TRIM46: variants seen among roughly 807,000 people sequenced by gnomAD.
The protein encoded by TRIM46 is tripartite motif-containing protein 46.
Under a neutral mutation model 69.7 loss-of-function variants are expected in TRIM46, and 17 were observed. The observed-to-expected ratio is 0.24, with a 90% CI of 0.17 to 0.37. The LOEUF is 0.37. TRIM46 is among the 10% of genes least tolerant of loss of function. The probability of loss-of-function intolerance (pLI) is 1.00; values close to 1 mark genes in which losing one functional copy is unlikely to be tolerated. For synonymous variants in TRIM46, 391 were observed against 429.0 expected (o/e 0.91, Z 1.09); for missense variants, 675 against 1,025.1 (o/e 0.66, Z 4.66).
At chr1:155,177,131 C>T in intron 4 of TRIM46, 56 bp downstream of exon 4, 1 of 1,613,954 alleles carries the variant, frequency 6.2e-7, no homozygotes, top group Non-Finnish European at 8.5e-7. Context: ...CCCTCTTGCA[C>T]CTCCTCCCAA....
At chr1:155,176,292 T>C in intron 3 of TRIM46, 61 bp downstream of exon 3, 1 of 1,476,590 alleles carries the variant, frequency 6.8e-7, no homozygotes, top group Non-Finnish European at 9.1e-7. Context: ...TGGGTGGGGG[T>C]GCCTGGCATT....
Position 155,179,927 on chromosome 1 carries a change from G to A in TRIM46, c.1581G>A (p.Pro527=), listed in dbSNP as rs139756484. The change falls in exon 8 of 10, where the codon CCG becomes CCA. Residue 527 remains proline, a synonymous_variant. Coordinates refer to ENST00000334634, the MANE Select transcript of TRIM46 (RefSeq NM_025058.5). ...AAGATGTGCACCTGCACACGCCCCC[G>A]GCACCTGGTGAGTGGGCAGGCACAG... ...YSEDVHLHTP[P]APVLHFFLDS... is the part of the protein sequence containing the mutation. 1.9e-5 allele frequency: 30 copies of A among 1,572,514 alleles called. No homozygotes were observed. The highest frequency in any genetic ancestry group is 1.1e-4 in the East Asian group (5 of 44,350).
intron 1 of TRIM46, chr1:155,174,680 C>A: frequency 6.9e-7 from 1 of 1,454,740 alleles, no homozygotes; most frequent in African/African-American, 1.4e-5. Context: ...AGGACCCCCA[C>A]TCTCGCCACC....
chr1:155,175,383 C>G lies in TRIM46; in HGVS notation c.64-3C>G. 1 of 1,613,854 alleles carries G rather than the reference C, an allele frequency of 6.2e-7. No homozygotes were observed. The highest frequency in any genetic ancestry group is 8.5e-7 in the Non-Finnish European group (1 of 1,179,882). ...CTGACCTAGCCTCCTGGTCCCTCCA[C>G]AGACCAGCATGAAGAACATGGAGAA... is the stretch of plus-strand genomic sequence containing the variant. On this transcript the variant is annotated splice_region_variant and splice_polypyrimidine_tract_variant and intron_variant, in intron 1 of 9. Coordinates refer to ENST00000334634, the MANE Select transcript of TRIM46 (RefSeq NM_025058.5). This position sits in a 1 kb window ranked among gnomAD's most constrained non-coding sequence, Gnocchi z 4.2.
intron 1 of TRIM46, chr1:155,174,768 GGT>G (rs1371898070): frequency 2.7e-6 from 4 of 1,463,750 alleles, no homozygotes; most frequent in Middle Eastern, 5.0e-4. Context: ...CGGAGAAGGG[GGT>G]GCCGCTGACC....
rs1666376213 is a variant in TRIM46 at position 155,184,104 on chromosome 1, G to A, written c.2194G>A (p.Gly732Arg). The A allele has an allele frequency of 1.2e-6, 2 of 1,613,972 alleles. No individual in the cohort carries two copies. The highest frequency in any genetic ancestry group is 1.7e-6 in the Non-Finnish European group (2 of 1,180,016). The part of the protein sequence containing the change: ...GPVCPAFCFI[G>R]GGAVQLQEPV... ...TGTGTGCCCTGCCTTTTGCTTCATC[G>A]GGGGTGGCGCAGTACAGCTCCAGGA... The change falls in exon 10 of 10, where the codon GGG (glycine) becomes AGG (arginine). Residue 732 changes from glycine (G) to arginine (R), a missense_variant. Around this residue, in one of 5 missense-constraint regions of TRIM46, gnomAD observed 108 missense variants for 153.0 expected, o/e 0.71. Transcript: ENST00000334634. The surrounding 1 kb of genome is among the most constrained non-coding windows in gnomAD (Gnocchi z 5.6).
chr1:155,176,908 T>C, intron 3 of TRIM46, 24 bp from the exon 4 acceptor site: 1 of 1,608,584 alleles, frequency 6.2e-7, no homozygotes, highest in Non-Finnish European at 8.5e-7. Context: ...TGTCTGACCA[T>C]CACATTGTTC....
rs758791330 is a variant in TRIM46, at chr1:155,177,045, A to G, written c.783A>G (p.Thr261=). The G allele has an allele frequency of 6.2e-7, 1 of 1,614,066 alleles. No homozygotes were observed. The highest frequency in any genetic ancestry group is 2.2e-5 in the East Asian group (1 of 44,878). ...GCACCCACAGCGGGCACAAGATCACACCAGTGCTCAGTGCCTACCAGGCCC... is the reference window on the plus strand; with the variant it reads ...GCACCCACAGCGGGCACAAGATCACGCCAGTGCTCAGTGCCTACCAGGCCC... ...VRRTHSGHKI[T]PVLSAYQALK... The change falls in exon 4 of 10, where the codon ACA becomes ACG. Residue 261 remains threonine, a synonymous_variant. Coordinates refer to ENST00000334634, the MANE Select transcript of TRIM46 (RefSeq NM_025058.5).
chr1:155,175,097 A>G lies in TRIM46; in HGVS notation c.64-289A>G. On this transcript the variant is annotated intron_variant, in intron 1 of 9. Coordinates refer to ENST00000334634, the MANE Select transcript of TRIM46 (RefSeq NM_025058.5). The surrounding 1 kb of genome is among the most constrained non-coding windows in gnomAD (Gnocchi z 4.2). ...GATGGAGGCAGGTGAGGGGGCTGCC[A>G]GCTGGGGCTACTGCAGCTGGAGAAA... 2 of 1,363,536 alleles carry G rather than the reference A, an allele frequency of 1.5e-6. No homozygotes were observed. Among genetic ancestry groups the G allele is most frequent in the Non-Finnish European group, 9.4e-7 (1 of 1,059,156 alleles). The allele number at this position is 1,363,536 out of a possible 1,614,324, so 84.5% of individuals were successfully genotyped here.
intron 5 of TRIM46, among the ~76,000 whole-genome samples, chr1:155,177,624 T>C (rs1406314001): frequency 2.6e-5 from 4 of 152,218 alleles, no homozygotes; most frequent in African/African-American, 7.2e-5. Flanking sequence ...TGATGACTGA[T>C]ACCTTCTGCC....
chr1:155,182,195 G>A (rs1251250035), intron 9 of TRIM46, 46 bp downstream of exon 9: 2 of 1,586,830 alleles, frequency 1.3e-6, no homozygotes, highest in Admixed American at 1.7e-5. Context: ...CCTGGTGGGA[G>A]TGAGGGGCAC....
chr1:155,178,721 G>T, intron 7 of TRIM46, 108 bp downstream of exon 7: 5 of 1,536,720 alleles, frequency 3.3e-6, no homozygotes, highest in Non-Finnish European at 3.5e-6. Context: ...CCTCCTGCCC[G>T]GCCTGGCCAG....
intron 9 of TRIM46, 113 bp from the exon 10 acceptor site, chr1:155,183,684 C>T: frequency 7.1e-7 from 1 of 1,408,238 alleles, no homozygotes; most frequent in Non-Finnish European, 9.7e-7. Flanking sequence ...CACCCAAAAT[C>T]CATCCCTTCA....
In TRIM46 at chr1:155,179,901, G is replaced by A; in HGVS notation, c.1555G>A (p.Glu519Lys). 1 of 1,600,498 alleles carries A rather than the reference G, an allele frequency of 6.2e-7. No homozygotes were observed. The highest frequency in any genetic ancestry group is 8.5e-7 in the Non-Finnish European group (1 of 1,170,656). ...CAAGGCCGGCTACGGCGAATACAGTGAAGATGTGCACCTGCACACGCCCCC... is the reference window on the plus strand; with the variant it reads ...CAAGGCCGGCTACGGCGAATACAGTAAAGATGTGCACCTGCACACGCCCCC... ...CNKAGYGEYS[E>K]DVHLHTPPAP... The change falls in exon 8 of 10, where the codon GAA (glutamate) becomes AAA (lysine). Residue 519 changes from glutamate (E) to lysine (K), a missense_variant. This residue lies in a region of TRIM46 where 361 missense variants were observed against 498.3 expected (regional missense o/e 0.72). Coordinates refer to ENST00000334634, the MANE Select transcript of TRIM46 (RefSeq NM_025058.5).
At chr1:155,180,841 C>T (rs1182817903) in intron 8 of TRIM46, among the ~76,000 whole-genome samples, 4 of 151,772 alleles carry the variant, frequency 2.6e-5, no homozygotes, top group South Asian at 2.1e-4. Context: ...ACCCAGGAGG[C>T]GGAGGTTGCG....
chr1:155,178,739 T>TGGGGGCCCCCCCCCCCC, intron 7 of TRIM46, 126 bp downstream of exon 7: 3 of 1,348,474 alleles, frequency 2.2e-6, no homozygotes, highest in Non-Finnish European at 3.1e-6. Context: ...CAGCCATTCC[T>TGGGGGCCCCCCCCCCCC]CCCACCCAGC....
chr1:155,174,659 G>A (rs1194980643), intron 1 of TRIM46: 1 of 1,500,070 alleles, frequency 6.7e-7, no homozygotes, highest in South Asian at 1.3e-5. Flanking sequence ...GTGGGGGTGG[G>A]GCATAGCCTG....
Position 155,184,865 on chromosome 1 carries a change from G to A in TRIM46, c.*675G>A, listed in dbSNP as rs1310419530. On this transcript the variant is annotated 3_prime_UTR_variant, in exon 10 of 10. Coordinates refer to ENST00000334634, the MANE Select transcript of TRIM46 (RefSeq NM_025058.5). The surrounding 1 kb of genome is among the most constrained non-coding windows in gnomAD (Gnocchi z 5.6). ...GGCAAGGCCTCTGGTGCCCGCTGCCGTCCCCCTGCAGTGGGCTCTGCTAGG... is the reference window on the plus strand; with the variant it reads ...GGCAAGGCCTCTGGTGCCCGCTGCCATCCCCCTGCAGTGGGCTCTGCTAGG... 3.3e-5 allele frequency: 5 copies of A among 153,022 alleles called. No individual in the cohort carries two copies. The highest frequency in any genetic ancestry group is 2.6e-4 in the Admixed American group (4 of 15,308). 9.5% of individuals were successfully genotyped at this position (153,022 alleles called of 1,614,324 possible).
intron 3 of TRIM46, 26 bp from the exon 4 acceptor site, chr1:155,176,906 C>T (rs372750374): frequency 4.2e-5 from 67 of 1,607,596 alleles, no homozygotes; most frequent in Non-Finnish European, 4.9e-5. Flanking sequence ...ATTGTCTGAC[C>T]ATCACATTGT....
Sources: gnomAD v4.1 joint callset for allele counts (sites outside exome capture counted in the v4.1 genomes callset) on GRCh38, gnomAD v4.1.1 for gene constraint, gnomAD v4.1.1 regional missense constraint, Gnocchi (gnomAD v3.1) non-coding constraint, MANE v1.5 for transcripts, NCBI Gene and HGNC (gene_info 2026-07-23, HGNC 2026-07-21) for gene names.